DGKI: variants seen among roughly 807,000 people sequenced by gnomAD.
The protein encoded by DGKI is diacylglycerol kinase iota.
Under a neutral mutation model 147.5 loss-of-function variants are expected in DGKI, and 55 were observed. The observed-to-expected ratio is 0.37, with a 90% confidence interval of 0.30 to 0.47. DGKI has a LOEUF of 0.47. DGKI is among the 20% of genes least tolerant of loss of function. The pLI is 1.00. For missense variants in DGKI, 1,007 were observed against 1,323.8 expected (o/e 0.76, Z 3.71); for synonymous variants, 469 against 477.1 (o/e 0.98, Z 0.22).
intron 17 of DGKI, among the ~76,000 whole-genome samples, chr7:137,573,780 T>G (rs994537629): frequency 6.6e-6 from 1 of 152,346 alleles, no homozygotes; most frequent in East Asian, 1.9e-4. Flanking sequence ...CAGCCTAGCT[T>G]GGCCTCAACA....
At chr7:137,441,149 G>C (rs1314959306) in intron 28 of DGKI, among the ~76,000 whole-genome samples, 2 of 152,076 alleles carry the variant, frequency 1.3e-5, no homozygotes, top group African/African-American at 4.8e-5. Context: ...GGCCGGGCAC[G>C]GTGGCTCATG....
At chr7:137,675,616 C>T (rs1192930283) in intron 3 of DGKI, among the ~76,000 whole-genome samples, 2 of 139,616 alleles carry the variant, frequency 1.4e-5, no homozygotes, top group South Asian at 2.4e-4. Context: ...ACCCGGGAGG[C>T]GGAGGTTGCA....
intron 28 of DGKI, among the ~76,000 whole-genome samples, chr7:137,416,123 CAGAAAA>C (rs1427989574): frequency 8.6e-5 from 13 of 151,558 alleles, no homozygotes; most frequent in Middle Eastern, 3.4e-3. Flanking sequence ...AGAAAGGAGA[CAGAAAA>C]GGAAAGAAAA....
intron 17 of DGKI, among the ~76,000 whole-genome samples, chr7:137,575,485 T>C (rs834437): frequency 0.2 from 29,744 of 152,116 alleles, 5,027 homozygotes; most frequent in African/African-American, 0.45. Flanking sequence ...ACTGCCATTC[T>C]ATATGGCCAC....
intron 1 of DGKI, among the ~76,000 whole-genome samples, chr7:137,795,219 T>G (rs1350925597): frequency 6.6e-6 from 1 of 152,222 alleles, no homozygotes; most frequent in East Asian, 1.9e-4. Flanking sequence ...ACCTACCCTA[T>G]TCCTATTCCC....
chr7:137,605,153 C>G lies in DGKI; in HGVS notation c.1167+3813G>C, dbSNP rs1405859018. On this transcript the variant is annotated intron_variant, in intron 10 of 32. Transcript: ENST00000614521. Reference sequence around the variant, plus strand: ...TGAAACCCCGTCTCTACTAAAAATACAGAAATTAGCCTGGTGTGGTGACAC... The same window carrying G: ...TGAAACCCCGTCTCTACTAAAAATAGAGAAATTAGCCTGGTGTGGTGACAC... Among the ~76,000 whole-genome samples, 5 of 151,696 alleles carry G rather than the reference C, an allele frequency of 3.3e-5. No individual in the cohort carries two copies. In the East Asian group the frequency reaches 9.7e-4, roughly 29 times the overall value.
intron 20 of DGKI, among the ~76,000 whole-genome samples, chr7:137,523,619 T>G (rs907698344): frequency 6.6e-6 from 1 of 152,248 alleles, no homozygotes; most frequent in African/African-American, 2.4e-5. Context: ...GGGGGAAATT[T>G]GAAAAGACAG....
At chr7:137,814,265 T>C (rs1721761792) in intron 1 of DGKI, among the ~76,000 whole-genome samples, 2 of 152,128 alleles carry the variant, frequency 1.3e-5, no homozygotes, top group African/African-American at 4.8e-5. Flanking sequence ...ACAGCTCCTC[T>C]GCACTGGAAT....
intron 5 of DGKI, among the ~76,000 whole-genome samples, chr7:137,647,398 A>G (rs372914244): frequency 1.6e-4 from 24 of 152,238 alleles, no homozygotes; most frequent in East Asian, 9.6e-4. Flanking sequence ...AATTTCTGAC[A>G]TAATAGGTCT....
chr7:137,836,551 A>G (rs999354230), intron 1 of DGKI, among the ~76,000 whole-genome samples: 3 of 152,316 alleles, frequency 2.0e-5, no homozygotes, highest in African/African-American at 4.8e-5. Flanking sequence ...CTGGACCCCA[A>G]TCCATGGTAC....
chr7:137,795,232 C>A (rs376150280), intron 1 of DGKI, among the ~76,000 whole-genome samples: 27 of 152,346 alleles, frequency 1.8e-4, no homozygotes, highest in African/African-American at 6.5e-4. Context: ...CTATTCCCAT[C>A]TCCCTTTCCC....
At chr7:137,643,290 C>CAAAAA (rs10541603) in intron 6 of DGKI, among the ~76,000 whole-genome samples, 3 of 61,654 alleles carry the variant, frequency 4.9e-5, no homozygotes, top group African/African-American at 1.4e-4. Flanking sequence ...GACTCCGTCT[C>CAAAAA]AAAAAAAAAA....
chr7:137,815,671 G>A (rs374236375), intron 1 of DGKI, among the ~76,000 whole-genome samples: 5 of 152,098 alleles, frequency 3.3e-5, no homozygotes, highest in Admixed American at 6.6e-5. Flanking sequence ...GGAAGTTTAC[G>A]GGCTTAGGTG....
At chr7:137,677,809 C>A (rs1440667844) in intron 3 of DGKI, among the ~76,000 whole-genome samples, 1 of 152,154 alleles carries the variant, frequency 6.6e-6, no homozygotes, top group East Asian at 1.9e-4. Flanking sequence ...CTCTTCTTTA[C>A]TATCCTAAGC....
At chr7:137,676,464 C>T (rs912415827) in intron 3 of DGKI, among the ~76,000 whole-genome samples, 4 of 152,086 alleles carry the variant, frequency 2.6e-5, no homozygotes, top group African/African-American at 9.7e-5. Flanking sequence ...ATCATCTCAC[C>T]AAACCCTCAA....
chr7:137,536,067 CAA>C lies in DGKI; in HGVS notation c.2148-14103_2148-14102del, dbSNP rs373061488. On this transcript the variant is annotated intron_variant, in intron 20 of 32. Transcript: ENST00000614521. ...GAATTGAACTGTTATTCTTCATAAT[CAA>C]GTTTCTTTTAAAAGTTTATATAATA... is the stretch of plus-strand genomic sequence containing the variant. Among the ~76,000 whole-genome samples the C allele has an allele frequency of 1.6e-3, 236 of 152,146 alleles. 2 individuals carry two copies. Among genetic ancestry groups the C allele is most frequent in the African/African-American group, 5.5e-3 (227 of 41,522 alleles).
chr7:137,779,820 C>T (rs566335592), intron 1 of DGKI, among the ~76,000 whole-genome samples: 1 of 152,132 alleles, frequency 6.6e-6, no homozygotes, highest in Admixed American at 6.5e-5. Context: ...ACATGGGGTA[C>T]ATTATATTAT....
At chr7:137,625,477 A>G (rs1820903105) in intron 6 of DGKI, among the ~76,000 whole-genome samples, 1 of 152,034 alleles carries the variant, frequency 6.6e-6, no homozygotes, top group Admixed American at 6.5e-5. Context: ...ATAATAAAAT[A>G]AAAAATTTAA....
chr7:137,449,473 G>A (rs1449604943), intron 27 of DGKI, among the ~76,000 whole-genome samples: 1 of 152,154 alleles, frequency 6.6e-6, no homozygotes, highest in African/African-American at 2.4e-5. Context: ...TGCACACCAT[G>A]TGCAAAAATC....
Sources: allele counts gnomAD v4.1 joint callset (sites outside exome capture counted in the v4.1 genomes callset), GRCh38; gene constraint gnomAD v4.1.1; transcripts MANE v1.5; gene names NCBI Gene and HGNC (gene_info 2026-07-23, HGNC 2026-07-21).